NTM: variants seen among roughly 807,000 people sequenced by gnomAD.
NTM encodes neurotrimin.
NTM carries 13 observed loss-of-function variants against 42.1 expected under a neutral mutation model. The ratio of observed to expected loss-of-function variants is 0.31; its 90% CI spans 0.20 to 0.49. NTM has a LOEUF of 0.49. Ranked by LOEUF, NTM falls within the 20% of genes least tolerant of loss-of-function variation. The probability of loss-of-function intolerance (pLI) is 0.99; values close to 1 mark genes in which losing one functional copy is unlikely to be tolerated. For synonymous variants in NTM, 187 were observed against 179.2 expected, an observed-to-expected ratio of 1.04 and a Z score of -0.35; for missense variants, 373 against 452.8, an observed-to-expected ratio of 0.82 and a Z score of 1.60.
At chr11:131,865,225 A>T (rs1321576913) in intron 1 of NTM, among the ~76,000 whole-genome samples, 1 of 152,228 alleles carries the variant, frequency 6.6e-6, no homozygotes. Flanking sequence ...TGGCTGACAA[A>T]TGGCAAAAGC....
intron 1 of NTM, among the ~76,000 whole-genome samples, chr11:131,441,002 C>A (rs769860406): frequency 6.6e-6 from 1 of 151,958 alleles, no homozygotes; most frequent in African/African-American, 2.4e-5. Flanking sequence ...ATTTTGCCAA[C>A]GTGTTTCATC....
chr11:131,726,371 T>C (rs1480013831), intron 1 of NTM, among the ~76,000 whole-genome samples: 11 of 144,968 alleles, frequency 7.6e-5, no homozygotes. Flanking sequence ...TGTGGTCCAC[T>C]TGCTTCCTCT....
chr11:131,599,297 T>G (rs1203148407), intron 1 of NTM, among the ~76,000 whole-genome samples: 1 of 150,326 alleles, frequency 6.7e-6, no homozygotes, highest in Admixed American at 6.6e-5. Context: ...CTACCCAGTC[T>G]CCGGCAGATG....
chr11:131,602,440 T>C (rs1037540673), intron 1 of NTM, among the ~76,000 whole-genome samples: 18 of 152,246 alleles, frequency 1.2e-4, no homozygotes, highest in African/African-American at 3.1e-4. Flanking sequence ...CAATGCTTCC[T>C]TTTGATTCCA....
chr11:131,959,864 A>G (rs1213810116), intron 2 of NTM, among the ~76,000 whole-genome samples: 1 of 152,232 alleles, frequency 6.6e-6, no homozygotes, highest in Non-Finnish European at 1.5e-5. Flanking sequence ...TGCCACAGAC[A>G]ATCATGGTCC....
chr11:131,411,350 T>A (rs187618651), intron 1 of NTM, among the ~76,000 whole-genome samples: 1 of 152,268 alleles, frequency 6.6e-6, no homozygotes, highest in East Asian at 1.9e-4. Context: ...TGGTTCCTAG[T>A]TGGCACTGAG....
At chr11:131,941,769 T>G (rs2059817947) in intron 2 of NTM, among the ~76,000 whole-genome samples, 1 of 152,170 alleles carries the variant, frequency 6.6e-6, no homozygotes, top group South Asian at 2.1e-4. Context: ...CTTGGAGAGA[T>G]AAAAACAAAA....
intron 2 of NTM, among the ~76,000 whole-genome samples, chr11:132,128,634 G>A (rs1344230317): frequency 6.6e-6 from 1 of 152,050 alleles, no homozygotes; most frequent in Non-Finnish European, 1.5e-5. Context: ...CTGATAAGGG[G>A]CTGGGCATGG....
rs1369956553 is a variant in NTM, at chr11:132,321,008, C to T, written c.934+6305C>T. 1.8e-3 allele frequency among the ~76,000 whole-genome samples: 273 copies of T among 150,740 alleles called. 1 individual carries two copies. The highest frequency in any genetic ancestry group is 3.3e-3 in the Non-Finnish European group (224 of 67,810). ...AACTAACAAACAGAAAGGACATCCA[C>T]ACCAAAAACCCATCTGTACATCACC... On this transcript the variant is annotated intron_variant, in intron 7 of 8. Coordinates refer to ENST00000683400, the MANE Select transcript of NTM (RefSeq NM_001352005.2).
At chr11:131,867,830 A>G (rs1322237415) in intron 1 of NTM, among the ~76,000 whole-genome samples, 1 of 152,170 alleles carries the variant, frequency 6.6e-6, no homozygotes, top group East Asian at 1.9e-4. Flanking sequence ...TTTACACACA[A>G]GCACAGGCCA....
intron 3 of NTM, among the ~76,000 whole-genome samples, chr11:132,182,800 G>A (rs551232214): frequency 2.0e-5 from 3 of 152,082 alleles, no homozygotes; most frequent in African/African-American, 4.8e-5. Flanking sequence ...TCTAAAATGG[G>A]GCCCCAAGTT....
Position 132,002,121 on chromosome 11 carries a change from T to C in NTM, c.167+90473T>C, listed in dbSNP as rs904147149. Among the ~76,000 whole-genome samples, 3 of 152,070 alleles carry C rather than the reference T, an allele frequency of 2.0e-5. No individual in the cohort carries two copies. Among genetic ancestry groups the C allele is most frequent in the African/African-American group, 7.2e-5 (3 of 41,414 alleles). ...GTCCATGGCAACCGGGGCTGGAAAT[T>C]ATGCTGCCTGAAGAGGGTGGAGGCT... On this transcript the variant is annotated intron_variant, in intron 2 of 8. Transcript: ENST00000683400. This position sits in a 1 kb window ranked among gnomAD's most constrained non-coding sequence, Gnocchi z 4.5.
chr11:132,177,781 G>A (rs2077030780), intron 3 of NTM, among the ~76,000 whole-genome samples: 2 of 152,192 alleles, frequency 1.3e-5, no homozygotes, highest in Non-Finnish European at 2.9e-5. Flanking sequence ...AAATACTGAA[G>A]GATCAGGATC....
intron 1 of NTM, among the ~76,000 whole-genome samples, chr11:131,472,377 T>G (rs1227953492): frequency 2.6e-5 from 4 of 152,178 alleles, no homozygotes; most frequent in Non-Finnish European, 5.9e-5. Flanking sequence ...AGGAAGGGAA[T>G]GTGGATAGAA....
chr11:131,649,348 T>C (rs949239318), intron 1 of NTM, among the ~76,000 whole-genome samples: 1 of 152,142 alleles, frequency 6.6e-6, no homozygotes, highest in African/African-American at 2.4e-5. Flanking sequence ...CAGAATGCAG[T>C]GTCTGTTTAT....
rs766504767 is a variant in NTM, at chr11:132,335,143, T to C, written c.1065T>C (p.Phe355=). The C allele has an allele frequency of 6.2e-7, 1 of 1,612,224 alleles. No homozygotes were observed. Among genetic ancestry groups the C allele is most frequent in the East Asian group, 2.2e-5 (1 of 44,842 alleles). ...TGGTCTTGCACCTGCTTCTCAAATT[T>C]TGATGTGAGTGCCACTTCCCCACCC... ...PLLVLHLLLK[F] The change falls in exon 9 of 9, where the codon TTT becomes TTC. Residue 355 remains phenylalanine, a synonymous_variant. Transcript: ENST00000683400.
At chr11:132,160,114 C>T (rs1210601385) in intron 3 of NTM, among the ~76,000 whole-genome samples, 2 of 152,342 alleles carry the variant, frequency 1.3e-5, no homozygotes, top group East Asian at 1.9e-4. Context: ...TTTGTTCCCT[C>T]ACTGATACTC....
Position 131,725,753 on chromosome 11 carries a change from T to C in NTM, c.83-185811T>C, listed in dbSNP as rs144593064. ...CGTTAGGAGTGAGATGGGAACACACTGGATGGTGTTGAGCTGAAGAAGGAC... is the reference window on the plus strand; with the variant it reads ...CGTTAGGAGTGAGATGGGAACACACCGGATGGTGTTGAGCTGAAGAAGGAC... On this transcript the variant is annotated intron_variant, in intron 1 of 8. Coordinates refer to ENST00000683400, the MANE Select transcript of NTM (RefSeq NM_001352005.2). Among the ~76,000 whole-genome samples the C allele has an allele frequency of 5.2e-3, 789 of 152,256 alleles. 2 individuals are homozygous for C. The highest frequency in any genetic ancestry group is 9.0e-3 in the Non-Finnish European group (612 of 68,010).
At chr11:131,956,598 CG>C (rs1250951253) in intron 2 of NTM, among the ~76,000 whole-genome samples, 1 of 150,604 alleles carries the variant, frequency 6.6e-6, no homozygotes, top group African/African-American at 2.4e-5. Flanking sequence ...ATCGGTGTCT[CG>C]GGGGGTTGGG....
Sources: allele counts gnomAD v4.1 joint callset (sites outside exome capture counted in the v4.1 genomes callset), GRCh38; gene constraint gnomAD v4.1.1; non-coding constraint Gnocchi (gnomAD v3.1); transcripts MANE v1.5; gene names NCBI Gene and HGNC (gene_info 2026-07-23, HGNC 2026-07-21).